The following CDH18 variants were observed in gnomAD, a reference collection of about 807,000 sequenced individuals.
The protein encoded by CDH18 is cadherin 18.
Under a neutral mutation model 67.9 loss-of-function variants are expected in CDH18, and 31 were observed. That is an observed-to-expected ratio of 0.46 (90% CI 0.34 to 0.62). The LOEUF (loss-of-function observed/expected upper bound fraction) is 0.62, where lower values mean the gene tolerates loss of function less well. Ranked by LOEUF, CDH18 falls within the 20% of genes least tolerant of loss-of-function variation. CDH18 has a pLI of 0.01. For missense variants in CDH18, 890 were observed against 975.5 expected, an observed-to-expected ratio of 0.91 and a Z score of 1.17; for synonymous variants, 362 against 347.2, an observed-to-expected ratio of 1.04 and a Z score of -0.48.
At chr5:20,256,967 T>TATCTA (rs1744290479) in intron 1 of CDH18, among the ~76,000 whole-genome samples, 3 of 103,592 alleles carry the variant, frequency 2.9e-5, no homozygotes, top group East Asian at 5.7e-4. Flanking sequence ...CTATCTAATC[T>TATCTA]ATCTATATCT....
chr5:19,986,307 C>T (rs1424671223), intron 1 of CDH18, among the ~76,000 whole-genome samples: 1 of 152,208 alleles, frequency 6.6e-6, no homozygotes, highest in Non-Finnish European at 1.5e-5. Context: ...AATCAGTCTG[C>T]ACTGGATACA....
intron 5 of CDH18, among the ~76,000 whole-genome samples, chr5:19,625,547 G>T (rs1751414136): frequency 6.6e-6 from 1 of 152,070 alleles, no homozygotes; most frequent in South Asian, 2.1e-4. Context: ...TCTTCTTGGG[G>T]CAGTATGGGA....
intron 2 of CDH18, among the ~76,000 whole-genome samples, chr5:20,019,045 T>C (rs1738160423): frequency 7.0e-6 from 1 of 142,196 alleles, no homozygotes; most frequent in Admixed American, 6.8e-5. Flanking sequence ...GATCCGCCCA[T>C]CTCGGCCTCC....
At chr5:19,528,237 T>G (rs1251838233) in intron 9 of CDH18, among the ~76,000 whole-genome samples, 1 of 151,772 alleles carries the variant, frequency 6.6e-6, no homozygotes, top group East Asian at 1.9e-4. Context: ...GCCTGTGAAC[T>G]TTTCTATCTT....
chr5:19,755,636 TA>T (rs1771510752), intron 3 of CDH18, among the ~76,000 whole-genome samples: 1 of 148,328 alleles, frequency 6.7e-6, no homozygotes, highest in South Asian at 2.1e-4. Flanking sequence ...TATATAAATA[TA>T]AAGGGGAGTT....
chr5:20,468,410 C>G (rs1476593268), intron 1 of CDH18, among the ~76,000 whole-genome samples: 1 of 152,190 alleles, frequency 6.6e-6, no homozygotes. Flanking sequence ...TCTGCCTCAT[C>G]TTTTATCTTT....
chr5:20,489,493 G>A (rs998193608), intron 1 of CDH18, among the ~76,000 whole-genome samples: 1 of 151,718 alleles, frequency 6.6e-6, no homozygotes, highest in Non-Finnish European at 1.5e-5. Context: ...TTTTTTCTTT[G>A]TAAAAAATGA....
intron 2 of CDH18, among the ~76,000 whole-genome samples, chr5:20,054,732 C>T (rs112278821): frequency 2.6e-5 from 4 of 152,288 alleles, no homozygotes; most frequent in African/African-American, 9.6e-5. Context: ...ACCACATTGT[C>T]TCTCAATTTT....
chr5:20,069,662 C>T (rs1438999774), intron 2 of CDH18, among the ~76,000 whole-genome samples: 1 of 152,112 alleles, frequency 6.6e-6, no homozygotes. Flanking sequence ...CTGCCCACCT[C>T]AGCCTCCAAA....
chr5:20,528,378 G>C (rs1401223348), intron 1 of CDH18, among the ~76,000 whole-genome samples: 2 of 151,922 alleles, frequency 1.3e-5, no homozygotes, highest in Admixed American at 1.3e-4. Flanking sequence ...TTCAGAACTT[G>C]AACTCAGCTC....
intron 1 of CDH18, among the ~76,000 whole-genome samples, chr5:20,323,315 A>C (rs924333290): frequency 5.3e-5 from 8 of 152,134 alleles, no homozygotes; most frequent in Admixed American, 2.0e-4. Context: ...ACTCTTTGTG[A>C]TGACTGTATC....
At chr5:20,180,198 G>C (rs1053663221) in intron 2 of CDH18, among the ~76,000 whole-genome samples, 10 of 152,050 alleles carry the variant, frequency 6.6e-5, no homozygotes, top group African/African-American at 2.4e-4. Context: ...ATAGCTCTGG[G>C]AATGGAATGC....
chr5:19,539,508 TTAATC>T (rs1349582751), intron 9 of CDH18, among the ~76,000 whole-genome samples: 1 of 152,180 alleles, frequency 6.6e-6, no homozygotes, highest in African/African-American at 2.4e-5. Context: ...TGAAAAAAAA[TTAATC>T]TAAAGCATGG....
intron 2 of CDH18, among the ~76,000 whole-genome samples, chr5:20,001,841 C>T (rs1477225735): frequency 6.6e-6 from 1 of 152,004 alleles, no homozygotes; most frequent in Non-Finnish European, 1.5e-5. Context: ...AGCATTAGGC[C>T]CTCAGAGTGG....
At chr5:19,624,951 T>C (rs1299383945) in intron 5 of CDH18, among the ~76,000 whole-genome samples, 2 of 151,910 alleles carry the variant, frequency 1.3e-5, no homozygotes, top group Non-Finnish European at 2.9e-5. Flanking sequence ...AATTGGTAGC[T>C]ATAGAATGCC....
chr5:20,040,258 T>C (rs535784669), intron 2 of CDH18, among the ~76,000 whole-genome samples: 2 of 152,200 alleles, frequency 1.3e-5, no homozygotes, highest in African/African-American at 4.8e-5. Context: ...ACATTCTGCA[T>C]ATGTATCCCA....
At chr5:20,055,046 G>A (rs1306683895) in intron 2 of CDH18, among the ~76,000 whole-genome samples, 4 of 151,978 alleles carry the variant, frequency 2.6e-5, no homozygotes, top group Non-Finnish European at 5.9e-5. Flanking sequence ...CTATATTTCT[G>A]TGAAAGACAA....
At chr5:20,105,675 C>T (rs1417607506) in intron 2 of CDH18, among the ~76,000 whole-genome samples, 1 of 152,192 alleles carries the variant, frequency 6.6e-6, no homozygotes, top group African/African-American at 2.4e-5. Context: ...AGTATTCATT[C>T]TTTCACGTCT....
intron 2 of CDH18, among the ~76,000 whole-genome samples, chr5:19,894,390 C>A (rs1789083003): frequency 6.6e-6 from 1 of 151,736 alleles, no homozygotes; most frequent in African/African-American, 2.4e-5. Flanking sequence ...ACTGAGTATT[C>A]TAATACATAC....
Sources: allele counts gnomAD v4.1 joint callset (sites outside exome capture counted in the v4.1 genomes callset), GRCh38; gene constraint gnomAD v4.1.1; transcripts MANE v1.5; gene names NCBI Gene and HGNC (gene_info 2026-07-23, HGNC 2026-07-21).